The following CCDC171 variants were observed in gnomAD, a reference collection of about 807,000 sequenced individuals.
CCDC171 encodes coiled-coil domain containing 171.
A neutral mutation model predicts 168.2 loss-of-function variants in CCDC171; 177 were observed. That is an observed-to-expected ratio of 1.05 (90% CI 0.93 to 1.19). The LOEUF (loss-of-function observed/expected upper bound fraction) is 1.19, where lower values mean the gene tolerates loss of function less well. Ranked by LOEUF, CCDC171 falls within the 50% of genes most tolerant of loss-of-function variation. CCDC171 has a pLI of 0.00. For missense variants in CCDC171, 1,991 were observed against 1,539.0 expected (o/e 1.29, Z -4.91); for synonymous variants, 687 against 540.8 (o/e 1.27, Z -3.75).
In CCDC171 at chr9:15,687,616, A is replaced by G. The variant is rs116466141; in HGVS notation, c.1216-7619A>G. On this transcript the variant is annotated intron_variant, in intron 10 of 25. Coordinates refer to ENST00000380701, the MANE Select transcript of CCDC171 (RefSeq NM_173550.4). ...CCAAAAGTTGATTCTTTGAAGAGAT[A>G]ACTCAATTGATAACTTTAGCTACAC... Among the ~76,000 whole-genome samples, 1,471 of 152,276 alleles carry G rather than the reference A, an allele frequency of 9.7e-3. 27 individuals carry two copies. The highest frequency in any genetic ancestry group is 0.034 in the African/African-American group (1,406 of 41,548).
At chr9:15,695,405 C>T in intron 11 of CCDC171, 68 bp downstream of exon 11, 3 of 1,129,624 alleles carry the variant, frequency 2.7e-6, no homozygotes, top group Non-Finnish European at 1.4e-6. Context: ...TTTGGGAATT[C>T]TGCAGATGCC....
At position 15,695,320 on chromosome 9, in the gene CCDC171, C is replaced by T. The variant is rs370366711; in HGVS notation, c.1301C>T (p.Ser434Leu). The change falls in exon 11 of 26, where the codon TCG (serine) becomes TTG (leucine). Residue 434 changes from serine (S) to leucine (L), a missense_variant. Physicochemically the swap from Ser to Leu is moderately radical, Grantham distance 145. Coordinates refer to ENST00000380701, the MANE Select transcript of CCDC171 (RefSeq NM_173550.4). ...TCGATCTTGGACAGCTTTACTGTGT[C>T]GGGCCAGTGGACATCAGGTTAGTTG... is the stretch of plus-strand genomic sequence containing the variant. The part of the protein sequence containing the change: ...LESILDSFTV[S>L]GQWTSGIHKD... 8.0e-5 allele frequency: 129 copies of T among 1,613,350 alleles called. 1 individual carries two copies. Among genetic ancestry groups the T allele is most frequent in the East Asian group, 4.2e-4 (19 of 44,900 alleles).
chr9:15,891,676 A>G (rs1452319063), intron 24 of CCDC171, among the ~76,000 whole-genome samples: 2 of 152,222 alleles, frequency 1.3e-5, no homozygotes, highest in Non-Finnish European at 2.9e-5. Context: ...ACTAACTAAA[A>G]TGAAGAACCA....
intron 18 of CCDC171, among the ~76,000 whole-genome samples, chr9:15,753,805 T>A (rs765154151): frequency 2.6e-5 from 4 of 152,122 alleles, no homozygotes; most frequent in Non-Finnish European, 5.9e-5. Flanking sequence ...TGATTGTTAA[T>A]TAAAGCAAGA....
intron 18 of CCDC171, among the ~76,000 whole-genome samples, chr9:15,770,141 A>G (rs1218547569): frequency 6.6e-6 from 1 of 152,212 alleles, no homozygotes; most frequent in African/African-American, 2.4e-5. Context: ...GTAGCAGTAA[A>G]TACTATATTT....
chr9:15,794,536 A>T lies in CCDC171; in HGVS notation c.3267+9842A>T, dbSNP rs376220914. ...GGATATTATGAAATACAGTTTATGC[A>T]TCTATTTAGATAATCATATGACTTT... On this transcript the variant is annotated intron_variant, in intron 21 of 25. Coordinates refer to ENST00000380701, the MANE Select transcript of CCDC171 (RefSeq NM_173550.4). Among the ~76,000 whole-genome samples the T allele has an allele frequency of 4.0e-5, 6 of 149,750 alleles. No individual in the cohort carries two copies. The East Asian group carries it at 6.0e-4, about 15-fold the overall frequency.
chr9:15,763,523 T>C (rs2056563087), intron 18 of CCDC171, among the ~76,000 whole-genome samples: 1 of 152,132 alleles, frequency 6.6e-6, no homozygotes, highest in South Asian at 2.1e-4. Flanking sequence ...TTACAAACTA[T>C]CAGGTGTGGT....
At chr9:16,067,606 T>G in the CCDC171 span, among the ~76,000 whole-genome samples, 1 of 152,236 alleles carries the variant, frequency 6.6e-6, no homozygotes, top group African/African-American at 2.4e-5. Context: ...GTCTAACGTT[T>G]AAGTCTTTAA....
chr9:15,953,478 C>T (rs1829439729), intron 25 of CCDC171, among the ~76,000 whole-genome samples: 1 of 152,176 alleles, frequency 6.6e-6, no homozygotes, highest in Admixed American at 6.6e-5. Context: ...TGGTGTATCA[C>T]ATAAATTGGC....
At chr9:15,796,469 A>T (rs1004157377) in intron 21 of CCDC171, among the ~76,000 whole-genome samples, 1 of 152,256 alleles carries the variant, frequency 6.6e-6, no homozygotes, top group Non-Finnish European at 1.5e-5. Context: ...AGGATTACTT[A>T]CAGAAGAATA....
chr9:15,933,035 A>G (rs1826711335), intron 25 of CCDC171, among the ~76,000 whole-genome samples: 1 of 151,866 alleles, frequency 6.6e-6, no homozygotes, highest in Admixed American at 6.6e-5. Flanking sequence ...TTCATCAGGG[A>G]TATTGGCCTG....
chr9:15,633,125 G>A (rs943403967), intron 7 of CCDC171, among the ~76,000 whole-genome samples: 3 of 152,170 alleles, frequency 2.0e-5, no homozygotes, highest in South Asian at 4.1e-4. Flanking sequence ...AGGACTTCAT[G>A]TCTGAAACAC....
At chr9:15,677,666 A>T (rs896378773) in intron 9 of CCDC171, among the ~76,000 whole-genome samples, 1 of 151,140 alleles carries the variant, frequency 6.6e-6, no homozygotes. Context: ...CTTTCATTAT[A>T]TGTTCATACA....
chr9:15,930,569 A>G (rs1446173701), intron 25 of CCDC171, among the ~76,000 whole-genome samples: 1 of 151,632 alleles, frequency 6.6e-6, no homozygotes, highest in Non-Finnish European at 1.5e-5. Flanking sequence ...TTTTACTTAC[A>G]TGGTATATAC....
intron 23 of CCDC171, among the ~76,000 whole-genome samples, chr9:15,867,758 C>A (rs567022997): frequency 6.6e-5 from 10 of 152,108 alleles, no homozygotes; most frequent in Non-Finnish European, 1.3e-4. Flanking sequence ...CTAATTTCAG[C>A]GTGTATCTGT....
At chr9:15,764,990 A>C (rs1045171682) in intron 18 of CCDC171, among the ~76,000 whole-genome samples, 43 of 152,200 alleles carry the variant, frequency 2.8e-4, no homozygotes, top group Non-Finnish European at 4.6e-4. Flanking sequence ...AAGAATAGCC[A>C]TTGAGCTAGT....
chr9:15,800,710 C>T (rs1334353546), intron 21 of CCDC171, among the ~76,000 whole-genome samples: 1 of 151,970 alleles, frequency 6.6e-6, no homozygotes, highest in Non-Finnish European at 1.5e-5. Context: ...TAGAGAGTTT[C>T]CCCAGTGTTT....
chr9:15,891,519 T>C (rs76832215), intron 24 of CCDC171, among the ~76,000 whole-genome samples: 3,374 of 152,234 alleles, frequency 0.022, 131 homozygotes, highest in African/African-American at 0.078. Flanking sequence ...GAGGTGCTGG[T>C]TATCACTTTG....
In CCDC171 at chr9:15,693,895, C is replaced by A. The variant is rs561721348; in HGVS notation, c.1216-1340C>A. On this transcript the variant is annotated intron_variant, in intron 10 of 25. Coordinates refer to ENST00000380701, the MANE Select transcript of CCDC171 (RefSeq NM_173550.4). ...CTTACCAAGAGAGTTGTCTAAACTT[C>A]CTGTTTCTATTTACTCATCTCTCAC... is the stretch of plus-strand genomic sequence containing the variant. Among the ~76,000 whole-genome samples, 9 of 152,198 alleles carry A rather than the reference C, an allele frequency of 5.9e-5. No individual in the cohort carries two copies. The South Asian group carries it at 1.9e-3, about 32-fold the overall frequency.
Sources: allele counts gnomAD v4.1 joint callset (sites outside exome capture counted in the v4.1 genomes callset), GRCh38; gene constraint gnomAD v4.1.1; transcripts MANE v1.5; gene names NCBI Gene and HGNC (gene_info 2026-07-23, HGNC 2026-07-21).